CHP1: variants seen among roughly 807,000 people sequenced by gnomAD.
CHP1 encodes calcineurin like EF-hand protein 1, also known as calcineurin B homologous protein 1.
Under a neutral mutation model 27.4 loss-of-function variants are expected in CHP1, and 11 were observed. That is an observed-to-expected ratio of 0.40 (90% CI 0.25 to 0.67). The LOEUF is 0.67. CHP1 is among the 30% of genes least tolerant of loss of function. CHP1 has a pLI of 0.38. For missense variants in CHP1, 169 were observed against 251.3 expected (o/e 0.67, Z 2.22); for synonymous variants, 89 against 87.4 (o/e 1.02, Z -0.10).
intron 3 of CHP1, among the ~76,000 whole-genome samples, chr15:41,258,034 C>A (rs2047411092): frequency 6.6e-6 from 1 of 152,186 alleles, no homozygotes. Context: ...CTTGCAGACA[C>A]TTTTTCCCTC....
intron 4 of CHP1, among the ~76,000 whole-genome samples, chr15:41,266,724 G>T (rs554984598): frequency 4.5e-4 from 68 of 152,158 alleles, no homozygotes; most frequent in African/African-American, 1.6e-3. Flanking sequence ...TTCTGAGGCC[G>T]GGAGCGGTGG....
At chr15:41,231,588 G>C (rs1294018415) in intron 1 of CHP1, 139 bp downstream of exon 1, 1 of 751,814 alleles carries the variant, frequency 1.3e-6, no homozygotes, top group East Asian at 2.7e-5. Flanking sequence ...GGGACCGAGA[G>C]CTGGAAGACC....
At chr15:41,241,145 C>G (rs2047305198) in intron 1 of CHP1, among the ~76,000 whole-genome samples, 1 of 152,212 alleles carries the variant, frequency 6.6e-6, no homozygotes, top group Admixed American at 6.5e-5. Context: ...GCCACTGCGC[C>G]CAGCCTGAAA....
At chr15:41,265,311 C>T (rs1448358679) in intron 4 of CHP1, among the ~76,000 whole-genome samples, 4 of 131,150 alleles carry the variant, frequency 3.0e-5, no homozygotes, top group Non-Finnish European at 6.1e-5. Context: ...CTACAGTGAG[C>T]CGAGATCATG....
At chr15:41,252,192 TG>T (rs1422542477) in intron 2 of CHP1, among the ~76,000 whole-genome samples, 1 of 151,588 alleles carries the variant, frequency 6.6e-6, no homozygotes, top group African/African-American at 2.4e-5. Flanking sequence ...TTTTTTTTTT[TG>T]AGACAGAGTC....
At chr15:41,236,604 A>G (rs1487914066) in intron 1 of CHP1, among the ~76,000 whole-genome samples, 1 of 152,038 alleles carries the variant, frequency 6.6e-6, no homozygotes, top group Non-Finnish European at 1.5e-5. Context: ...CAGACCAGAG[A>G]GTAGTTGGAG....
chr15:41,255,340 C>T (rs1315352057), intron 2 of CHP1, among the ~76,000 whole-genome samples: 3 of 152,212 alleles, frequency 2.0e-5, no homozygotes, highest in South Asian at 2.1e-4. Context: ...ATTCTTGGCC[C>T]AGGAACCAAC....
At position 41,248,474 on chromosome 15, in the gene CHP1, C is replaced by T. The variant is rs370032585; in HGVS notation, c.140+4735C>T. Among the ~76,000 whole-genome samples the T allele has an allele frequency of 5.3e-5, 8 of 152,178 alleles. No individual in the cohort carries two copies. The South Asian group carries it at 1.2e-3, about 24-fold the overall frequency. On this transcript the variant is annotated intron_variant, in intron 2 of 6. Coordinates refer to ENST00000334660, the MANE Select transcript of CHP1 (RefSeq NM_007236.5). ...GGAGACACAGTCTCACCTTGTTGCC[C>T]ATGCTGGTCTCAAACTCCTGGGCTC...
chr15:41,273,090 C>T (rs370118046), intron 5 of CHP1, among the ~76,000 whole-genome samples: 1 of 151,706 alleles, frequency 6.6e-6, no homozygotes, highest in East Asian at 1.9e-4. Flanking sequence ...AATTATAGCC[C>T]AATCTCTTTT....
chr15:41,260,567 G>C (rs995317461), intron 3 of CHP1, among the ~76,000 whole-genome samples: 1 of 151,536 alleles, frequency 6.6e-6, no homozygotes, highest in Non-Finnish European at 1.5e-5. Flanking sequence ...GCTAATTTTT[G>C]TATTTTTAGT....
intron 5 of CHP1, among the ~76,000 whole-genome samples, chr15:41,273,485 G>C (rs763927383): frequency 1.3e-5 from 2 of 151,980 alleles, no homozygotes; most frequent in Non-Finnish European, 2.9e-5. Context: ...AAGTTCAAGC[G>C]ATTCTCCTGA....
At chr15:41,269,870 C>T (rs1159142643) in intron 4 of CHP1, among the ~76,000 whole-genome samples, 1 of 152,118 alleles carries the variant, frequency 6.6e-6, no homozygotes, top group Non-Finnish European at 1.5e-5. Flanking sequence ...TATAAAATCA[C>T]CCAGTGTTAT....
chr15:41,253,533 C>A (rs942547769), intron 2 of CHP1, among the ~76,000 whole-genome samples: 2 of 151,686 alleles, frequency 1.3e-5, no homozygotes, highest in East Asian at 3.9e-4. Context: ...TGGCTCACTG[C>A]AACCTCCACC....
intron 2 of CHP1, 22 bp from the exon 3 acceptor site, chr15:41,256,887 AC>A: frequency 1.2e-6 from 2 of 1,608,820 alleles, no homozygotes; most frequent in Non-Finnish European, 1.7e-6. Context: ...TCTCTATCTA[AC>A]TCAAGGTGAT....
chr15:41,270,627 A>G lies in CHP1; in HGVS notation c.411+9A>G. ...GTGATGAGCTGTTACAGGTATGTGG[A>G]GAGCTCCTCGAGAACTTGTGCTTGG... On this transcript the variant is annotated intron_variant, in intron 5 of 6. Transcript: ENST00000334660. The G allele has an allele frequency of 6.2e-7, 1 of 1,610,298 alleles. No homozygotes were observed. Among genetic ancestry groups the G allele is most frequent in the South Asian group, 1.1e-5 (1 of 91,006 alleles).
In CHP1 at chr15:41,278,852, A is replaced by G; in HGVS notation, c.497A>G (p.Asp166Gly). The stretch of plus-strand genomic sequence containing the variant: ...AGGACCATTCAGGAGGCTGATCAGG[A>G]TGGGGACAGTGCCATATCTTTCACA... ...ADRTIQEADQ[D>G]GDSAISFTEF... is the part of the protein sequence containing the mutation. The change falls in exon 6 of 7, where the codon GAT becomes GGT. Residue 166 changes from aspartate to glycine, a missense_variant. Coordinates refer to ENST00000334660, the MANE Select transcript of CHP1 (RefSeq NM_007236.5). The G allele has an allele frequency of 6.2e-7, 1 of 1,614,162 alleles. No individual in the cohort carries two copies. The highest frequency in any genetic ancestry group is 1.7e-5 in the Admixed American group (1 of 59,998).
At chr15:41,232,645 C>T in intron 1 of CHP1, among the ~76,000 whole-genome samples, 1 of 152,092 alleles carries the variant, frequency 6.6e-6, no homozygotes, top group East Asian at 1.9e-4. Context: ...ATGTATGATA[C>T]AATTGTATTG....
At position 41,244,142 on chromosome 15, in the gene CHP1, G is replaced by A. The variant is rs1361043824; in HGVS notation, c.140+403G>A. The stretch of plus-strand genomic sequence containing the variant: ...GAACCCGGGAGGCAGAGGTCGCAGT[G>A]AGCAAAGATCACGCCACTGCACTCC... On this transcript the variant is annotated intron_variant, in intron 2 of 6. Transcript: ENST00000334660. 3.4e-5 allele frequency among the ~76,000 whole-genome samples: 5 copies of A among 147,604 alleles called. No individual in the cohort carries two copies. The Admixed American group carries it at 3.4e-4, about 10-fold the overall frequency.
rs2047532300 is a variant in CHP1, at chr15:41,278,883, T to C, written c.528T>C (p.Phe176=). ...DGDSAISFTE[F]VKVLEKVDVE... is the part of the protein sequence containing the mutation. ...ACAGTGCCATATCTTTCACAGAATT[T>C]GTTAAGGTTGGTCACTTACTTCTTG... Residue 176 remains phenylalanine, a synonymous_variant, in exon 6 of 7, where the codon TTT becomes TTC. Transcript: ENST00000334660. 3.1e-6 allele frequency: 5 copies of C among 1,613,976 alleles called. No homozygotes were observed. Among genetic ancestry groups the C allele is most frequent in the Admixed American group, 1.7e-5 (1 of 59,984 alleles).
Sources: allele counts gnomAD v4.1 joint callset (sites outside exome capture counted in the v4.1 genomes callset), GRCh38; gene constraint gnomAD v4.1.1; transcripts MANE v1.5; gene names NCBI Gene and HGNC (gene_info 2026-07-23, HGNC 2026-07-21).